FBLN2: variants seen among roughly 807,000 people sequenced by gnomAD.
The protein encoded by FBLN2 is fibulin 2.
Under a neutral mutation model 123.7 loss-of-function variants are expected in FBLN2, and 81 were observed. The ratio of observed to expected loss-of-function variants is 0.65; its 90% confidence interval spans 0.55 to 0.79. FBLN2 has a LOEUF of 0.79. Ranked by LOEUF, FBLN2 falls within the 30% of genes least tolerant of loss-of-function variation. The probability of loss-of-function intolerance (pLI) is 0.00; values close to 1 mark genes in which losing one functional copy is unlikely to be tolerated. For synonymous variants in FBLN2, 699 were observed against 701.4 expected, an observed-to-expected ratio of 1.00 and a Z score of 0.05; for missense variants, 1,603 against 1,681.3, an observed-to-expected ratio of 0.95 and a Z score of 0.81.
intron 9 of FBLN2, among the ~76,000 whole-genome samples, chr3:13,622,869 C>A (rs757964761): frequency 2.6e-5 from 4 of 152,198 alleles, no homozygotes; most frequent in Admixed American, 6.5e-5. Flanking sequence ...GCGCAGAGGG[C>A]GAGGTCATTC....
At position 13,549,171 on chromosome 3, in the gene FBLN2, G is replaced by GCGGA. The variant is rs958035781; in HGVS notation, c.-64_-61dup. 2.6e-4 allele frequency: 252 copies of GCGGA among 983,092 alleles called. No individual in the cohort carries two copies. Among genetic ancestry groups the GCGGA allele is most frequent in the East Asian group, 9.2e-4 (8 of 8,730 alleles). 60.9% of individuals were successfully genotyped at this position (983,092 alleles called of 1,614,324 possible). A position where few individuals can be genotyped will look rare whatever the true frequency, so the allele number is the denominator to read the frequency against. On this transcript the variant is annotated 5_prime_UTR_variant, in exon 1 of 18. Coordinates refer to ENST00000404922, the MANE Select transcript of FBLN2 (RefSeq NM_001004019.2). Reference sequence around the variant, plus strand: ...GGGCTCTCGACGCGCCGACGGCCGGGCGGACGGACGGACGGACGCCGAGCG... The same window carrying GCGGA: ...GGGCTCTCGACGCGCCGACGGCCGGGCGGACGGACGGACGGACGGACGCCGAGCG...
chr3:13,588,861 A>G (rs559399054), intron 2 of FBLN2, among the ~76,000 whole-genome samples: 6 of 152,366 alleles, frequency 3.9e-5, no homozygotes, highest in South Asian at 2.1e-4. Flanking sequence ...AACTGTACGT[A>G]TGATGGGCTG....
intron 2 of FBLN2, among the ~76,000 whole-genome samples, chr3:13,578,536 C>T (rs1209357117): frequency 3.9e-5 from 6 of 152,170 alleles, no homozygotes; most frequent in African/African-American, 7.2e-5. Context: ...TCATTAATTC[C>T]TTTTCATGGT....
At chr3:13,611,959 A>G (rs1366618727) in intron 4 of FBLN2, among the ~76,000 whole-genome samples, 1 of 152,196 alleles carries the variant, frequency 6.6e-6, no homozygotes, top group African/African-American at 2.4e-5. Context: ...GTGAGGGCAA[A>G]CTATGACAGT....
At chr3:13,601,155 C>G (rs576086728) in intron 2 of FBLN2, among the ~76,000 whole-genome samples, 1 of 152,190 alleles carries the variant, frequency 6.6e-6, no homozygotes, top group African/African-American at 2.4e-5. Flanking sequence ...TGGTTGCTAG[C>G]GCTGCTATAT....
In FBLN2 at chr3:13,637,895, C is replaced by T; in HGVS notation, c.3672C>T (p.Ile1224=). The T allele has an allele frequency of 6.3e-7, 1 of 1,597,354 alleles. No homozygotes were observed. The highest frequency in any genetic ancestry group is 8.6e-7 in the Non-Finnish European group (1 of 1,169,096). ...SVTTFLAKMH[I]FFTTFAL ...CCACCTTCCTGGCCAAGATGCACAT[C>T]TTCTTCACCACCTTTGCCCTGTGAG... The change falls in exon 18 of 18, where the codon ATC becomes ATT. Residue 1224 remains isoleucine, a synonymous_variant. Coordinates refer to ENST00000404922, the MANE Select transcript of FBLN2 (RefSeq NM_001004019.2).
intron 5 of FBLN2, among the ~76,000 whole-genome samples, chr3:13,614,608 A>AT (rs1705521174): frequency 5.6e-5 from 6 of 106,952 alleles, no homozygotes; most frequent in African/African-American, 2.4e-4. Flanking sequence ...CCATCCATCC[A>AT]CCCATCCACC....
At chr3:13,597,920 C>T (rs1704899722) in intron 2 of FBLN2, among the ~76,000 whole-genome samples, 1 of 152,258 alleles carries the variant, frequency 6.6e-6, no homozygotes, top group Non-Finnish European at 1.5e-5. Context: ...CAGAGAGAAT[C>T]TCTGAGTTGA....
rs562511112 is a variant in FBLN2, at chr3:13,570,394, T to TCTGGGC, written c.44_49dup (p.Gly15_Leu16dup). ...GGGAGCCTGCAGGAGCCTGGCTTGC[T>TCTGGGC]CTGGGCCTGGCCCTGGCCCTGGGCC... On this transcript the variant is annotated inframe_insertion, in exon 2 of 18. Transcript: ENST00000404922. 6.7e-4 allele frequency: 1,059 copies of TCTGGGC among 1,578,868 alleles called. 10 individuals carry two copies. The African/African-American group carries it at 0.01, about 16-fold the overall frequency.
rs1559427062 is a variant in FBLN2 at position 13,629,227 on chromosome 3, C to G, written c.2777C>G (p.Pro926Arg). The change falls in exon 13 of 18, where the codon CCT becomes CGT. Residue 926 changes from proline (P) to arginine (R), a missense_variant. Transcript: ENST00000404922. ...GAGGGCCAAGTGTGCCACAACCTCC[C>G]TGGCTCCTACCGCTGTGACTGCAAA... ...CGEGQVCHNL[P>R]GSYRCDCKAG... is the part of the protein sequence containing the mutation. 6.2e-7 allele frequency: 1 copy of G among 1,613,378 alleles called. No homozygotes were observed. The highest frequency in any genetic ancestry group is 8.5e-7 in the Non-Finnish European group (1 of 1,179,784).
intron 16 of FBLN2, among the ~76,000 whole-genome samples, chr3:13,632,717 CAG>C (rs1706298107): frequency 1.3e-5 from 2 of 152,094 alleles, no homozygotes; most frequent in South Asian, 4.1e-4. Flanking sequence ...GCAAACGTAT[CAG>C]AGTCGTAAGT....
At chr3:13,598,200 C>A (rs2124866072) in intron 2 of FBLN2, among the ~76,000 whole-genome samples, 1 of 152,330 alleles carries the variant, frequency 6.6e-6, no homozygotes, top group South Asian at 2.1e-4. Flanking sequence ...GGAAAGTAGT[C>A]ACCAAGCGTC....
rs1306553303 is a variant in FBLN2 at position 13,614,051 on chromosome 3, C to T, written c.1616C>T (p.Pro539Leu). 1 of 1,613,746 alleles carries T rather than the reference C, an allele frequency of 6.2e-7. No homozygotes were observed. Among genetic ancestry groups the T allele is most frequent in the Admixed American group, 1.7e-5 (1 of 60,024 alleles). ...RAEGQSCESN[P>L]NLGYPCNHVM... ...GAGGGCCAGTCGTGTGAGTCCAATCCTAACCTGGGCTATCCCTGCAATCAT... is the reference window on the plus strand; with the variant it reads ...GAGGGCCAGTCGTGTGAGTCCAATCTTAACCTGGGCTATCCCTGCAATCAT... Residue 539 changes from proline to leucine, a missense_variant, in exon 5 of 18, where the codon CCT becomes CTT. Transcript: ENST00000404922.
At chr3:13,568,699 C>G (rs948784457) in intron 1 of FBLN2, 9 of 904,350 alleles carry the variant, frequency 1.0e-5, no homozygotes, top group Non-Finnish European at 1.2e-5. Flanking sequence ...CGGACTGACA[C>G]GGGCTCCCCT....
intron 1 of FBLN2, chr3:13,569,009 C>A: frequency 1.0e-6 from 1 of 985,860 alleles, no homozygotes; most frequent in Non-Finnish European, 1.2e-6. Context: ...TATGGGGCTG[C>A]GCTTTAGGCT....
rs1559403479 is a variant in FBLN2, at chr3:13,571,660, A to C, written c.1305A>C (p.Glu435Asp). The C allele has an allele frequency of 1.3e-6, 2 of 1,587,310 alleles. No individual in the cohort carries two copies. The highest frequency in any genetic ancestry group is 1.7e-6 in the Non-Finnish European group (2 of 1,166,716). Residue 435 changes from glutamate (E) to aspartate (D), a missense_variant and splice_region_variant, in exon 2 of 18, where the codon GAA (glutamate) becomes GAC (aspartate). Transcript: ENST00000404922. ...ATTCTATCCCCAGAAGTAGCCCTGA[A>C]GGTAAGACCCTGTCCTGGTTCCTTC... is the stretch of plus-strand genomic sequence containing the variant. The part of the protein sequence containing the change: ...SVHSIPRSSP[E>D]GSTKDLIETC...
intron 3 of FBLN2, 24 bp downstream of exon 3, chr3:13,608,197 G>A (rs1705271083): frequency 6.5e-7 from 1 of 1,531,978 alleles, no homozygotes; most frequent in South Asian, 1.2e-5. Flanking sequence ...CCTGGAGCAG[G>A]CGGAGCTGCC....
intron 4 of FBLN2, among the ~76,000 whole-genome samples, chr3:13,613,043 G>C (rs1705457208): frequency 6.6e-6 from 1 of 152,208 alleles, no homozygotes; most frequent in African/African-American, 2.4e-5. Flanking sequence ...ACCTAGGATG[G>C]CCTTGGCTGG....
rs369226739 is a variant in FBLN2 at position 13,570,384 on chromosome 3, C to G, written c.29C>G (p.Ala10Gly). The G allele has an allele frequency of 6.4e-7, 1 of 1,573,962 alleles. No individual in the cohort carries two copies. Among genetic ancestry groups the G allele is most frequent in the East Asian group, 2.3e-5 (1 of 43,082 alleles). Residue 10 changes from alanine (A) to glycine (G), a missense_variant, in exon 2 of 18, where the codon GCC becomes GGC. Transcript: ENST00000404922. MVLLWEPAG[A>G]WLALGLALAL... ...GTGCTGCTCTGGGAGCCTGCAGGAG[C>G]CTGGCTTGCTCTGGGCCTGGCCCTG...
Sources: allele counts gnomAD v4.1 joint callset (sites outside exome capture counted in the v4.1 genomes callset), GRCh38; gene constraint gnomAD v4.1.1; transcripts MANE v1.5; gene names NCBI Gene and HGNC (gene_info 2026-07-23, HGNC 2026-07-21).